The following RBM33 variants were observed in gnomAD, a reference collection of about 807,000 sequenced individuals.
RBM33 encodes the protein RNA-binding protein 33.
Under a neutral mutation model 132.6 loss-of-function variants are expected in RBM33, and 28 were observed. That is an observed-to-expected ratio of 0.21 (90% CI 0.16 to 0.29). The LOEUF (loss-of-function observed/expected upper bound fraction) is 0.29. RBM33 is among the 10% of genes least tolerant of loss of function. RBM33 has a pLI of 1.00. For synonymous variants in RBM33, 634 were observed against 593.0 expected (o/e 1.07, Z -1.01); for missense variants, 1,291 against 1,518.5 (o/e 0.85, Z 2.49).
At position 155,644,932 on chromosome 7, in the gene RBM33, GC is replaced by G; in HGVS notation, c.43+15del. 1 of 1,494,196 alleles carries G rather than the reference GC, an allele frequency of 6.7e-7. No individual in the cohort carries two copies. The highest frequency in any genetic ancestry group is 1.4e-5 in the African/African-American group (1 of 69,230). The allele number at this position is 1,494,196 out of a possible 1,614,324, so 92.6% of individuals were successfully genotyped here. A position where few individuals can be genotyped will look rare whatever the true frequency, so the allele number is the denominator to read the frequency against. ...GCAGGCGCCGGAGGTACGTGAGGCA[GC>G]CGGACTCTGGGGGCCAGGACCGCGC... On this transcript the variant is annotated intron_variant, in intron 1 of 17. Coordinates refer to ENST00000401878, the MANE Select transcript of RBM33 (RefSeq NM_053043.3).
intron 9 of RBM33, among the ~76,000 whole-genome samples, chr7:155,732,621 T>A (rs1800989211): frequency 6.6e-6 from 1 of 152,220 alleles, no homozygotes; most frequent in Non-Finnish European, 1.5e-5. Context: ...TAGTGAGAAT[T>A]TATATATATT....
intron 13 of RBM33, among the ~76,000 whole-genome samples, chr7:155,744,433 T>A (rs1181156640): frequency 1.3e-5 from 2 of 152,154 alleles, no homozygotes; most frequent in African/African-American, 4.8e-5. Flanking sequence ...CTGAGGAGAG[T>A]GCATGAGTTC....
rs1802680584 is a variant in RBM33, at chr7:155,778,096, C to G, written c.*3055C>G. 6.6e-6 allele frequency: 1 copy of G among 152,628 alleles called. No individual in the cohort carries two copies. Among genetic ancestry groups the G allele is most frequent in the Non-Finnish European group, 1.5e-5 (1 of 68,046 alleles). 9.5% of individuals were successfully genotyped at this position (152,628 alleles called of 1,614,324 possible). On this transcript the variant is annotated 3_prime_UTR_variant, in exon 18 of 18. Coordinates refer to ENST00000401878, the MANE Select transcript of RBM33 (RefSeq NM_053043.3). The surrounding 1 kb of genome is among the most constrained non-coding windows in gnomAD (Gnocchi z 4.0). ...GAGTAAATCTCATCATTTTTCCAGACAAATTTTGAGGGGTTTCTCTGTTTT... is the reference window on the plus strand; with the variant it reads ...GAGTAAATCTCATCATTTTTCCAGAGAAATTTTGAGGGGTTTCTCTGTTTT...
At chr7:155,668,362 C>T (rs904867343) in intron 2 of RBM33, among the ~76,000 whole-genome samples, 4 of 152,156 alleles carry the variant, frequency 2.6e-5, no homozygotes, top group African/African-American at 7.2e-5. Context: ...GTTGAAGAAG[C>T]AAGGTAGCGT....
chr7:155,673,940 G>GTT (rs71186053), intron 3 of RBM33, among the ~76,000 whole-genome samples: 601 of 54,112 alleles, frequency 0.011, 43 homozygotes, highest in Admixed American at 0.015. Context: ...TTTAGGCTTA[G>GTT]TTTTTTTTTT....
intron 5 of RBM33, among the ~76,000 whole-genome samples, chr7:155,694,050 G>C (rs1391673259): frequency 1.3e-5 from 2 of 152,032 alleles, no homozygotes; most frequent in Admixed American, 1.3e-4. Flanking sequence ...CGCACGCTTT[G>C]GTCTGCATTG....
At chr7:155,665,695 C>G (rs1798782894) in intron 2 of RBM33, among the ~76,000 whole-genome samples, 1 of 152,074 alleles carries the variant, frequency 6.6e-6, no homozygotes, top group Admixed American at 6.6e-5. Context: ...ATGAAAATAC[C>G]TGTTTAGGAA....
chr7:155,649,504 C>G (rs997171388), intron 1 of RBM33, among the ~76,000 whole-genome samples: 1 of 152,180 alleles, frequency 6.6e-6, no homozygotes, highest in African/African-American at 2.4e-5. Context: ...ACCTGTGTAA[C>G]TGATTAAATC....
At chr7:155,763,166 A>G (rs1445607689) in intron 14 of RBM33, among the ~76,000 whole-genome samples, 1 of 152,252 alleles carries the variant, frequency 6.6e-6, no homozygotes. Context: ...TTGGAAATCC[A>G]CGTACTCTGT....
intron 1 of RBM33, among the ~76,000 whole-genome samples, chr7:155,655,491 T>A (rs559592833): frequency 6.6e-6 from 1 of 151,592 alleles, no homozygotes; most frequent in East Asian, 1.9e-4. Flanking sequence ...TCAGAGTGTC[T>A]GTGAAGTCAG....
intron 14 of RBM33, among the ~76,000 whole-genome samples, chr7:155,762,036 C>G (rs1050109180): frequency 6.6e-6 from 1 of 152,222 alleles, no homozygotes; most frequent in Admixed American, 6.5e-5. Flanking sequence ...CCGACTGCTG[C>G]GTAGCTTAGT....
At position 155,711,222 on chromosome 7, in the gene RBM33, C is replaced by G; in HGVS notation, c.968C>G (p.Pro323Arg). 2.5e-6 allele frequency: 4 copies of G among 1,576,802 alleles called. No homozygotes were observed. Among genetic ancestry groups the G allele is most frequent in the Non-Finnish European group, 3.4e-6 (4 of 1,160,762 alleles). ...PPVVPQAPPP[P>R]PPPPQQQPIR... ...CCACAGCCCCAGGCTCCCCCTCCAC[C>G]GCCACCGCCGCCTCAGCAGCAGCCG... is the stretch of plus-strand genomic sequence containing the variant. Residue 323 changes from proline (P) to arginine (R), a missense_variant, in exon 8 of 18, where the codon CCG (proline) becomes CGG (arginine). Coordinates refer to ENST00000401878, the MANE Select transcript of RBM33 (RefSeq NM_053043.3).
chr7:155,703,615 G>A (rs1052203150), intron 6 of RBM33, among the ~76,000 whole-genome samples: 13 of 152,230 alleles, frequency 8.5e-5, no homozygotes, highest in South Asian at 6.2e-4. Context: ...ACACAAAGGA[G>A]GATTTTTCTG....
At chr7:155,675,271 G>GCT in intron 3 of RBM33, among the ~76,000 whole-genome samples, 1 of 143,642 alleles carries the variant, frequency 7.0e-6, no homozygotes. Context: ...TCTAGCCTGG[G>GCT]AGACGGAGTG....
intron 2 of RBM33, among the ~76,000 whole-genome samples, chr7:155,669,041 G>A (rs1251352268): frequency 1.3e-5 from 2 of 152,148 alleles, no homozygotes; most frequent in South Asian, 2.1e-4. Context: ...TTGTGAACGA[G>A]CTCTTTTTTT....
In RBM33 at chr7:155,745,180, A is replaced by T; in HGVS notation, c.2557A>T (p.Thr853Ser). The T allele has an allele frequency of 1.2e-6, 2 of 1,610,692 alleles. No homozygotes were observed. The highest frequency in any genetic ancestry group is 1.7e-6 in the Non-Finnish European group (2 of 1,178,442). The stretch of plus-strand genomic sequence containing the variant: ...AGAGCAGGCACTGTCACCATCACCC[A>T]CCAACGGTAACCCACTGTTGCCCTT... ...QEEQALSPSP[T>S]NGNPLLPFPG... is the part of the protein sequence containing the mutation. Residue 853 changes from threonine to serine, a missense_variant, in exon 14 of 18, where the codon ACC becomes TCC. Physicochemically the swap from Thr to Ser is moderately conservative, Grantham distance 58. This residue lies in a region of RBM33 where 841 missense variants were observed against 912.0 expected (regional missense o/e 0.92). Coordinates refer to ENST00000401878, the MANE Select transcript of RBM33 (RefSeq NM_053043.3). The surrounding 1 kb of genome is among the most constrained non-coding windows in gnomAD (Gnocchi z 4.1).
chr7:155,745,640 G>T lies in RBM33; in HGVS notation c.2979+38G>T. 1 of 1,485,496 alleles carries T rather than the reference G, an allele frequency of 6.7e-7. No homozygotes were observed. 92.0% of individuals were successfully genotyped at this position (1,485,496 alleles called of 1,614,324 possible). On this transcript the variant is annotated intron_variant, in intron 14 of 17. Transcript: ENST00000401878. The surrounding 1 kb of genome is among the most constrained non-coding windows in gnomAD (Gnocchi z 4.1). Reference sequence around the variant, plus strand: ...GTTTTATGAGAGCCTCTTTGAGTCTGTGTATCACATAGAATGTCCTCATTT... The same window carrying T: ...GTTTTATGAGAGCCTCTTTGAGTCTTTGTATCACATAGAATGTCCTCATTT...
chr7:155,673,799 C>CACACACACACACAT lies in RBM33; in HGVS notation c.171+886_171+887insACACACACACATAC, dbSNP rs776438670. Among the ~76,000 whole-genome samples, 11 of 149,338 alleles carry CACACACACACACAT rather than the reference C, an allele frequency of 7.4e-5. 2 individuals carry two copies. Among genetic ancestry groups the CACACACACACACAT allele is most frequent in the African/African-American group, 2.5e-4 (10 of 39,594 alleles). On this transcript the variant is annotated intron_variant, in intron 3 of 17. Transcript: ENST00000401878. Reference sequence around the variant, plus strand: ...ACACACACACACACACACACACACACACCCCTACCAGTATATTTCGGACAT... The same window carrying CACACACACACACAT: ...ACACACACACACACACACACACACACACACACACACACATACCCCTACCAGTATATTTCGGACAT...
intron 14 of RBM33, among the ~76,000 whole-genome samples, chr7:155,752,829 G>A (rs78616397): frequency 0.014 from 2,132 of 152,196 alleles, 21 homozygotes; most frequent in Non-Finnish European, 0.022. Flanking sequence ...CTTCTGGGAC[G>A]CCTCCCTGGA....
Sources: gnomAD v4.1 joint callset for allele counts (sites outside exome capture counted in the v4.1 genomes callset) on GRCh38, gnomAD v4.1.1 for gene constraint, gnomAD v4.1.1 regional missense constraint, Gnocchi (gnomAD v3.1) non-coding constraint, MANE v1.5 for transcripts, NCBI Gene and HGNC (gene_info 2026-07-23, HGNC 2026-07-21) for gene names.